TMEM116: variants seen among roughly 807,000 people sequenced by gnomAD.
TMEM116 encodes transmembrane protein 116.
TMEM116 carries 38 observed loss-of-function variants against 44.3 expected under a neutral mutation model. The ratio of observed to expected loss-of-function variants is 0.86; its 90% CI spans 0.66 to 1.12. The LOEUF is 1.12. Among genes scored for constraint, TMEM116 ranks in the 50% most tolerant of loss-of-function variants. The probability of loss-of-function intolerance (pLI) is 0.00; values close to 1 mark genes in which losing one functional copy is unlikely to be tolerated. For missense variants in TMEM116, 354 were observed against 401.7 expected, an observed-to-expected ratio of 0.88 and a Z score of 1.01; for synonymous variants, 132 against 144.8, an observed-to-expected ratio of 0.91 and a Z score of 0.64.
upstream of TMEM116, chr12:112,013,180 G>A (rs944437793): frequency 2.4e-6 from 1 of 412,380 alleles, no homozygotes; most frequent in Non-Finnish European, 4.4e-6. Context: ...GGACCCGCCG[G>A]AAGACTCGGC....
intron 3 of TMEM116, among the ~76,000 whole-genome samples, chr12:112,001,295 C>T (rs2077240019): frequency 6.6e-6 from 1 of 152,140 alleles, no homozygotes; most frequent in Admixed American, 6.6e-5. Flanking sequence ...CCCAATCCCA[C>T]CCTCACAGGG....
chr12:111,978,130 G>T (rs376260408), intron 4 of TMEM116, among the ~76,000 whole-genome samples: 1 of 150,532 alleles, frequency 6.6e-6, no homozygotes, highest in Admixed American at 6.6e-5. Context: ...CAGCTAGCGC[G>T]GTGGCTCACG....
chr12:111,957,677 G>A (rs1370734234), intron 4 of TMEM116, among the ~76,000 whole-genome samples: 14 of 150,454 alleles, frequency 9.3e-5, no homozygotes, highest in Admixed American at 2.6e-4. Flanking sequence ...CTGCCTGGCC[G>A]CCGTCCCGTC....
chr12:111,934,023 A>G lies in TMEM116; in HGVS notation c.596T>C (p.Leu199Pro). 6.2e-7 allele frequency: 1 copy of G among 1,614,148 alleles called. No individual in the cohort carries two copies. Among genetic ancestry groups the G allele is most frequent in the Non-Finnish European group, 8.5e-7 (1 of 1,180,018 alleles). Residue 199 changes from leucine to proline, a missense_variant, in exon 9 of 11, where the codon CTT becomes CCT. By Grantham distance (98) the Leu-to-Pro change is moderately conservative. Transcript: ENST00000552374. ...VLSLLTIMVL[L>P]IRAQTLYKKF... Reference sequence around the variant, plus strand: ...CTTATACAATGTCTGGGCTCGGATAAGTAAGACCTAAATATGAGTACAGCA... The same window carrying G: ...CTTATACAATGTCTGGGCTCGGATAGGTAAGACCTAAATATGAGTACAGCA...
intron 6 of TMEM116, among the ~76,000 whole-genome samples, 186 bp from the exon 7 acceptor site, chr12:111,937,429 AAGTACAATGC>A (rs1463786034): frequency 6.6e-6 from 1 of 152,202 alleles, no homozygotes; most frequent in Non-Finnish European, 1.5e-5. Flanking sequence ...GTTCCTAGGG[AAGTACAATGC>A]AGTAGGGAAT....
At chr12:111,934,947 C>G (rs2072010810) in intron 8 of TMEM116, 1 of 151,946 alleles carries the variant, frequency 6.6e-6, no homozygotes, top group Admixed American at 6.6e-5. Flanking sequence ...GAATCTTTTC[C>G]CTAATCCAGA....
chr12:111,951,512 T>C (rs546407524), intron 4 of TMEM116, among the ~76,000 whole-genome samples: 1 of 152,260 alleles, frequency 6.6e-6, no homozygotes, highest in African/African-American at 2.4e-5. Context: ...TCATGTCCTT[T>C]TCAGGAACAT....
intron 4 of TMEM116, among the ~76,000 whole-genome samples, chr12:111,981,949 A>C (rs965343620): frequency 6.6e-6 from 1 of 152,244 alleles, no homozygotes; most frequent in African/African-American, 2.4e-5. Context: ...CAAATACTGC[A>C]TAATTTCACT....
chr12:111,969,987 C>A (rs996121863), intron 4 of TMEM116, among the ~76,000 whole-genome samples: 3 of 151,930 alleles, frequency 2.0e-5, no homozygotes, highest in African/African-American at 7.3e-5. Context: ...AAATGGTAGG[C>A]TGGATGTGGT....
chr12:112,001,319 T>A (rs1290172426), intron 3 of TMEM116, among the ~76,000 whole-genome samples: 1 of 152,076 alleles, frequency 6.6e-6, no homozygotes, highest in Non-Finnish European at 1.5e-5. Flanking sequence ...TTCAGCAATT[T>A]TTTTATTTTT....
chr12:112,007,832 T>C (rs2077660760), intron 1 of TMEM116, among the ~76,000 whole-genome samples: 1 of 152,244 alleles, frequency 6.6e-6, no homozygotes, highest in South Asian at 2.1e-4. Flanking sequence ...TTCTAAAACA[T>C]CTATACCATC....
rs977213964 is a variant in TMEM116 at position 111,931,534 on chromosome 12, A to C, written c.*87T>G. ...TTCTGCAGTTTAGGGCATAGTTAGA[A>C]AAGATTTAAGATGTCCTTTCCCAAC... On this transcript the variant is annotated 3_prime_UTR_variant, in exon 11 of 11. Transcript: ENST00000552374. The C allele has an allele frequency of 2.2e-5, 30 of 1,350,540 alleles. No individual in the cohort carries two copies. Among genetic ancestry groups the C allele is most frequent in the Non-Finnish European group, 3.1e-5 (30 of 955,556 alleles). 83.7% of individuals were successfully genotyped at this position (1,350,540 alleles called of 1,614,324 possible). A position where few individuals can be genotyped will look rare whatever the true frequency, so the allele number is the denominator to read the frequency against.
chr12:111,997,145 T>C (rs2076973067), intron 3 of TMEM116, among the ~76,000 whole-genome samples: 1 of 152,232 alleles, frequency 6.6e-6, no homozygotes, highest in Non-Finnish European at 1.5e-5. Context: ...ACAGGTAATG[T>C]TCCATTTCTT....
At chr12:111,974,229 C>T (rs553568160) in intron 4 of TMEM116, among the ~76,000 whole-genome samples, 1 of 151,954 alleles carries the variant, frequency 6.6e-6, no homozygotes, top group Non-Finnish European at 1.5e-5. Context: ...TAGCATTACA[C>T]TTAAGGTGAA....
intron 4 of TMEM116, among the ~76,000 whole-genome samples, chr12:111,987,906 A>G (rs1292151937): frequency 6.6e-6 from 1 of 151,944 alleles, no homozygotes; most frequent in Non-Finnish European, 1.5e-5. Flanking sequence ...AACATCTAAA[A>G]GGTGGAAGCA....
At chr12:111,957,743 C>T (rs993133562) in intron 4 of TMEM116, among the ~76,000 whole-genome samples, 1 of 152,212 alleles carries the variant, frequency 6.6e-6, no homozygotes, top group African/African-American at 2.4e-5. Context: ...GGAGGAGCCC[C>T]TCTGCCCGGC....
intron 4 of TMEM116, among the ~76,000 whole-genome samples, chr12:111,983,605 A>G (rs1593527563): frequency 1.3e-5 from 2 of 152,162 alleles, no homozygotes; most frequent in East Asian, 3.9e-4. Flanking sequence ...TCAAACAATA[A>G]TAATAGTAAT....
In TMEM116 at chr12:111,939,640, C is replaced by G. The variant is rs976552512; in HGVS notation, c.316-1430G>C. Among the ~76,000 whole-genome samples, 4 of 149,212 alleles carry G rather than the reference C, an allele frequency of 2.7e-5. No individual in the cohort carries two copies. In the Admixed American group the frequency reaches 2.7e-4, roughly 10 times the overall value. On this transcript the variant is annotated intron_variant, in intron 5 of 10. Transcript: ENST00000552374. Reference sequence around the variant, plus strand: ...TAGTATGACCTCCTACTCCGCCCATCTCTACAAAACTACAATTAAAAAAAA... The same window carrying G: ...TAGTATGACCTCCTACTCCGCCCATGTCTACAAAACTACAATTAAAAAAAA...
At chr12:111,939,001 A>G (rs1439324362) in intron 5 of TMEM116, among the ~76,000 whole-genome samples, 1 of 152,180 alleles carries the variant, frequency 6.6e-6, no homozygotes, top group Non-Finnish European at 1.5e-5. Context: ...TTGGAGCAGG[A>G]ATAGGACAGC....
Sources: allele counts gnomAD v4.1 joint callset (sites outside exome capture counted in the v4.1 genomes callset), GRCh38; gene constraint gnomAD v4.1.1; transcripts MANE v1.5; gene names NCBI Gene and HGNC (gene_info 2026-07-23, HGNC 2026-07-21).